FAT2: variants seen among roughly 807,000 people sequenced by gnomAD.
The protein encoded by FAT2 is protocadherin Fat 2.
FAT2 carries 150 observed loss-of-function variants against 295.3 expected under a neutral mutation model. The observed-to-expected ratio is 0.51, with a 90% CI of 0.44 to 0.58. FAT2 has a LOEUF of 0.58. FAT2 is among the 20% of genes least tolerant of loss of function. The pLI is 0.00. For synonymous variants in FAT2, 2,026 were observed against 2,150.3 expected (o/e 0.94, Z 1.60); for missense variants, 4,868 against 5,442.7 (o/e 0.89, Z 3.32).
rs1208051112 is a variant in FAT2, at chr5:151,512,440, A to G, written c.11630T>C (p.Val3877Ala). 1 of 1,614,156 alleles carries G rather than the reference A, an allele frequency of 6.2e-7. No homozygotes were observed. The highest frequency in any genetic ancestry group is 1.3e-5 in the African/African-American group (1 of 74,948). ...CAGACCACGGCAGTTCTCTGGGACC[A>G]CAAGGGAGGTGTTGCCCATGCTGTC... ...MVDSMGNTSL[V>A]VPENCRGLRP... Residue 3877 changes from valine (V) to alanine (A), a missense_variant, in exon 21 of 24, where the codon GTG (valine) becomes GCG (alanine). This residue lies in a region of FAT2 where 1,046 missense variants were observed against 1,210.1 expected (regional missense o/e 0.86). Transcript: ENST00000261800. This position sits in a 1 kb window ranked among gnomAD's most constrained non-coding sequence, Gnocchi z 4.1.
intron 13 of FAT2, among the ~76,000 whole-genome samples, 156 bp from the exon 14 acceptor site, chr5:151,532,126 G>C (rs1251715818): frequency 1.3e-5 from 2 of 152,140 alleles, no homozygotes; most frequent in Non-Finnish European, 2.9e-5. Flanking sequence ...TCTCCAGCGG[G>C]GTGTCTTGAC....
chr5:151,568,593 G>A lies in FAT2; in HGVS notation c.339C>T (p.Asp113=). 6.2e-7 allele frequency: 1 copy of A among 1,614,144 alleles called. No homozygotes were observed. The highest frequency in any genetic ancestry group is 8.5e-7 in the Non-Finnish European group (1 of 1,180,022). The change falls in exon 2 of 24, where the codon GAC becomes GAT. Residue 113 remains aspartate, a synonymous_variant. Coordinates refer to ENST00000261800, the MANE Select transcript of FAT2 (RefSeq NM_001447.3). The stretch of plus-strand genomic sequence containing the variant: ...TGGCTTGGATGATGAGGGTGTAGCT[G>A]TCTCGCACCTCTCTGTTCAGAAGAG... ...NTALLNREVR[D]SYTLIIQATE...
chr5:151,593,258 C>G (rs1038204102), upstream of FAT2, among the ~76,000 whole-genome samples: 2 of 152,244 alleles, frequency 1.3e-5, no homozygotes, highest in Non-Finnish European at 2.9e-5. Context: ...GGCAGCCCCA[C>G]GGGCCCTTTG....
intron 11 of FAT2, among the ~76,000 whole-genome samples, chr5:151,539,637 AT>A (rs1220527564): frequency 6.6e-6 from 1 of 152,228 alleles, no homozygotes; most frequent in African/African-American, 2.4e-5. Context: ...TAAAATTAAA[AT>A]GTTAGCAGTT....
intron 1 of FAT2, among the ~76,000 whole-genome samples, chr5:151,586,319 C>T (rs925890603): frequency 1.1e-4 from 16 of 152,344 alleles, no homozygotes; most frequent in African/African-American, 3.6e-4. Flanking sequence ...TCTGTGAGCT[C>T]CCTGCCCCCA....
chr5:151,551,364 C>T lies in FAT2; in HGVS notation c.4296+103G>A, dbSNP rs1350435864. 4.8e-6 allele frequency: 6 copies of T among 1,246,112 alleles called. No individual in the cohort carries two copies. The East Asian group carries it at 1.4e-4, about 29-fold the overall frequency. The allele number at this position is 1,246,112 out of a possible 1,614,324, so 77.2% of individuals were successfully genotyped here. ...AACTTTGATTCTAAATTCAGTGTTC[C>T]TTGAGGAACACCACATCCACAGAAA... On this transcript the variant is annotated intron_variant, in intron 7 of 23. Transcript: ENST00000261800.
rs755323725 is a variant in FAT2, at chr5:151,567,793, C to T, written c.1139G>A (p.Arg380His). The stretch of plus-strand genomic sequence containing the variant: ...TGGGGTGACTCTCACCATCACCACG[C>T]GGCTGCCAGGAGGGGAAAACTCACT... The part of the protein sequence containing the change: ...QLSEFSPPGS[R>H]VVMVRVTPAF... Residue 380 changes from arginine (R) to histidine (H), a missense_variant, in exon 2 of 24, where the codon CGC becomes CAC. Transcript: ENST00000261800. 35 of 1,614,034 alleles carry T rather than the reference C, an allele frequency of 2.2e-5. No individual in the cohort carries two copies. The highest frequency in any genetic ancestry group is 2.6e-5 in the Non-Finnish European group (31 of 1,180,032).
At chr5:151,558,301 C>T (rs1226978046) in intron 3 of FAT2, among the ~76,000 whole-genome samples, 2 of 152,112 alleles carry the variant, frequency 1.3e-5, no homozygotes, top group African/African-American at 4.8e-5. Flanking sequence ...ATGCTGCACA[C>T]AATATATTGT....
chr5:151,558,747 C>A (rs1026601994), intron 3 of FAT2, among the ~76,000 whole-genome samples: 17 of 152,172 alleles, frequency 1.1e-4, no homozygotes, highest in Non-Finnish European at 2.9e-5. Context: ...ACTGGCTCTT[C>A]CCATGACAGG....
In FAT2 at chr5:151,531,153, G is replaced by A. The variant is rs1581345711; in HGVS notation, c.9811+434C>T. Among the ~76,000 whole-genome samples, 1 of 152,296 alleles carries A rather than the reference G, an allele frequency of 6.6e-6. No homozygotes were observed. Among genetic ancestry groups the A allele is most frequent in the East Asian group, 1.9e-4 (1 of 5,178 alleles). On this transcript the variant is annotated intron_variant, in intron 14 of 23. Transcript: ENST00000261800. This position sits in a 1 kb window ranked among gnomAD's most constrained non-coding sequence, Gnocchi z 5.7. ...AATAAGGGAAAATTAAGGGGTGCCA[G>A]GATGTTTGGAGTGGATGTGGGGACT...
chr5:151,512,218 C>T lies in FAT2; in HGVS notation c.11852G>A (p.Cys3951Tyr), dbSNP rs1208832187. ...LTQCCLHSDY[C>Y]SQNTCLNGGK... ...ACCATTGAGGCATGTGTTCTGGCTGCAGTAGTCACTGTGGAGGCAGCACTG... is the reference window on the plus strand; with the variant it reads ...ACCATTGAGGCATGTGTTCTGGCTGTAGTAGTCACTGTGGAGGCAGCACTG... Residue 3951 changes from cysteine (C) to tyrosine (Y), a missense_variant, in exon 21 of 24, where the codon TGC becomes TAC. Cys to Tyr is a radical substitution (Grantham distance 194, BLOSUM62 -2). Transcript: ENST00000261800. The surrounding 1 kb of genome is among the most constrained non-coding windows in gnomAD (Gnocchi z 4.1). 9 of 1,614,084 alleles carry T rather than the reference C, an allele frequency of 5.6e-6. No homozygotes were observed. The highest frequency in any genetic ancestry group is 6.8e-6 in the Non-Finnish European group (8 of 1,180,050).
At position 151,542,445 on chromosome 5, in the gene FAT2, G is replaced by A; in HGVS notation, c.8682C>T (p.Val2894=). 6.2e-7 allele frequency: 1 copy of A among 1,614,172 alleles called. No individual in the cohort carries two copies. The highest frequency in any genetic ancestry group is 2.2e-5 in the East Asian group (1 of 44,888). ...CATTGTCATTCTCATCTGTAATGGA[G>A]ACCTGAACCAGGGCCTGAGAGGATA... is the stretch of plus-strand genomic sequence containing the variant. ...IQLSSQALVQ[V]SITDENDNAP... is the part of the protein sequence containing the mutation. Residue 2894 remains valine, a synonymous_variant, in exon 10 of 24, where the codon GTC becomes GTT. Coordinates refer to ENST00000261800, the MANE Select transcript of FAT2 (RefSeq NM_001447.3).
intron 3 of FAT2, 72 bp from the exon 4 acceptor site, chr5:151,556,474 G>T (rs762808078): frequency 4.2e-6 from 4 of 950,916 alleles, no homozygotes; most frequent in South Asian, 1.4e-5. Context: ...GCAACTTCAA[G>T]AATTACATTC....
rs978083677 is a variant in FAT2, at chr5:151,563,523, C to T, written c.3376G>A (p.Glu1126Lys). 4 of 1,613,960 alleles carry T rather than the reference C, an allele frequency of 2.5e-6. No homozygotes were observed. Among genetic ancestry groups the T allele is most frequent in the African/African-American group, 2.7e-5 (2 of 74,880 alleles). ...GGGTTGTCATTGGCATCCGTAACCTCGATGTAGACTTCAGTTACAGAAGAG... is the reference window on the plus strand; with the variant it reads ...GGGTTGTCATTGGCATCCGTAACCTTGATGTAGACTTCAGTTACAGAAGAG... ...PLSSVTEVYI[E>K]VTDANDNPPQ... The change falls in exon 3 of 24, where the codon GAG (glutamate) becomes AAG (lysine). Residue 1126 changes from glutamate (E) to lysine (K), a missense_variant. By Grantham distance (56) the Glu-to-Lys change is moderately conservative (BLOSUM62 1). Around this residue, in one of 5 missense-constraint regions of FAT2, gnomAD observed 3,297 missense variants for 3,669.4 expected, o/e 0.90. Transcript: ENST00000261800.
At chr5:151,532,825 A>G (rs1451532667) in intron 13 of FAT2, among the ~76,000 whole-genome samples, 1 of 152,312 alleles carries the variant, frequency 6.6e-6, no homozygotes, top group Non-Finnish European at 1.5e-5. Context: ...CCCTGAGCCT[A>G]AGGGTCTCAC....
At chr5:151,540,901 C>CAGA in intron 10 of FAT2, 138 bp from the exon 11 acceptor site, 1 of 670,962 alleles carries the variant, frequency 1.5e-6, no homozygotes, top group Admixed American at 3.2e-5. Context: ...TAGGAACCCA[C>CAGA]GATTCTACAC....
chr5:151,571,279 C>G (rs1225874271), intron 1 of FAT2, among the ~76,000 whole-genome samples: 1 of 152,086 alleles, frequency 6.6e-6, no homozygotes, highest in Admixed American at 6.5e-5. Flanking sequence ...CCAACCCATG[C>G]AGGATGGCAT....
intron 8 of FAT2, among the ~76,000 whole-genome samples, chr5:151,549,780 A>G (rs1757006348): frequency 6.6e-6 from 1 of 152,238 alleles, no homozygotes; most frequent in Admixed American, 6.5e-5. Context: ...TCCAAATTAC[A>G]TCTCAGAGAA....
chr5:151,533,591 G>T (rs943393334), intron 13 of FAT2, among the ~76,000 whole-genome samples: 1 of 152,058 alleles, frequency 6.6e-6, no homozygotes, highest in African/African-American at 2.4e-5. Context: ...AAACAGAGCA[G>T]GGTGTTTTGA....
Sources: gnomAD v4.1 joint callset for allele counts (sites outside exome capture counted in the v4.1 genomes callset) on GRCh38, gnomAD v4.1.1 for gene constraint, gnomAD v4.1.1 regional missense constraint, Gnocchi (gnomAD v3.1) non-coding constraint, MANE v1.5 for transcripts, NCBI Gene and HGNC (gene_info 2026-07-23, HGNC 2026-07-21) for gene names.